The following MGAT4C variants were observed in gnomAD, a reference collection of about 807,000 sequenced individuals.
The protein encoded by MGAT4C is MGAT4 family member C.
A neutral mutation model predicts 40.1 loss-of-function variants in MGAT4C; 19 were observed. The observed-to-expected ratio is 0.47, with a 90% CI of 0.33 to 0.70. The LOEUF (loss-of-function observed/expected upper bound fraction) is 0.70, where lower values mean the gene tolerates loss of function less well. Among genes scored for constraint, MGAT4C ranks in the 30% least tolerant of loss-of-function variants. The pLI, the probability that MGAT4C is intolerant of heterozygous loss-of-function variation, is 0.02. For missense variants in MGAT4C, 491 were observed against 563.2 expected, an observed-to-expected ratio of 0.87 and a Z score of 1.30; for synonymous variants, 181 against 187.1, an observed-to-expected ratio of 0.97 and a Z score of 0.27.
intron 2 of MGAT4C, among the ~76,000 whole-genome samples, chr12:86,627,817 A>C (rs1962871734): frequency 6.6e-6 from 1 of 152,320 alleles, no homozygotes; most frequent in African/African-American, 2.4e-5. Context: ...GAAAATTCTA[A>C]AAACCAGAGT....
intron 1 of MGAT4C, among the ~76,000 whole-genome samples, chr12:86,093,150 T>C: frequency 6.6e-6 from 1 of 152,086 alleles, no homozygotes; most frequent in East Asian, 1.9e-4. Context: ...AATGAATATG[T>C]CCTTCTTTCA....
intron 2 of MGAT4C, among the ~76,000 whole-genome samples, chr12:86,487,794 G>A (rs1958048653): frequency 6.6e-6 from 1 of 152,092 alleles, no homozygotes; most frequent in Non-Finnish European, 1.5e-5. Context: ...TACTTTAGTT[G>A]TTAAATTTCT....
intron 2 of MGAT4C, among the ~76,000 whole-genome samples, chr12:86,593,242 T>C (rs1961403476): frequency 7.2e-6 from 1 of 139,604 alleles, no homozygotes; most frequent in Non-Finnish European, 1.6e-5. Flanking sequence ...CCTTCTTTTA[T>C]TTATGATTCT....
intron 2 of MGAT4C, among the ~76,000 whole-genome samples, chr12:86,448,214 CAGCT>C: frequency 6.6e-6 from 1 of 152,286 alleles, no homozygotes; most frequent in East Asian, 1.9e-4. Flanking sequence ...TTGCCTGTGG[CAGCT>C]TCCTGATCAT....
In MGAT4C at chr12:86,549,578, A is replaced by T. The variant is rs141811815; in HGVS notation, c.-228-114313T>A. Among the ~76,000 whole-genome samples the T allele has an allele frequency of 2.7e-4, 41 of 152,308 alleles. No individual in the cohort carries two copies. In the East Asian group the frequency reaches 7.1e-3, roughly 27 times the overall value. ...AGACTGTTTTGTTTCTCATCCCCAA[A>T]CATTTTAATAATGCTTCTACTTAGA... On this transcript the variant is annotated intron_variant, in intron 2 of 7. Transcript: ENST00000548651.
At chr12:86,218,945 C>T (rs992507635) in intron 1 of MGAT4C, among the ~76,000 whole-genome samples, 1 of 152,016 alleles carries the variant, frequency 6.6e-6, no homozygotes, top group African/African-American at 2.4e-5. Flanking sequence ...TTTTGGGAGG[C>T]CAAGACAAAT....
At chr12:86,659,997 G>A (rs1000108552) in intron 2 of MGAT4C, among the ~76,000 whole-genome samples, 2 of 150,892 alleles carry the variant, frequency 1.3e-5, no homozygotes, top group African/African-American at 4.9e-5. Context: ...TCCTCTTCCA[G>A]TGTCTGTCCA....
chr12:86,111,683 A>G (rs1342623492), intron 1 of MGAT4C, among the ~76,000 whole-genome samples: 2 of 151,778 alleles, frequency 1.3e-5, no homozygotes, highest in Non-Finnish European at 3.0e-5. Context: ...AACCTTTCCT[A>G]AAAACACTTT....
At chr12:86,275,290 G>A (rs554525488) in intron 4 of MGAT4C, among the ~76,000 whole-genome samples, 2 of 152,208 alleles carry the variant, frequency 1.3e-5, no homozygotes, top group South Asian at 4.1e-4. Flanking sequence ...TTCAGATAAA[G>A]GTTCCATTTC....
intron 1 of MGAT4C, among the ~76,000 whole-genome samples, chr12:86,835,477 A>G (rs1953018995): frequency 6.6e-6 from 1 of 152,102 alleles, no homozygotes; most frequent in South Asian, 2.1e-4. Flanking sequence ...GTTAGAATTT[A>G]AGGCCATATC....
chr12:86,033,070 G>C (rs1890904735), intron 2 of MGAT4C, among the ~76,000 whole-genome samples: 1 of 149,364 alleles, frequency 6.7e-6, no homozygotes, highest in Admixed American at 6.7e-5. Flanking sequence ...AGGTCAGATG[G>C]TTTTAGCTGT....
At chr12:86,665,645 A>G (rs189586792) in intron 2 of MGAT4C, among the ~76,000 whole-genome samples, 1,525 of 152,316 alleles carry the variant, frequency 0.01, 26 homozygotes, top group African/African-American at 0.035. Context: ...TACGGGGATT[A>G]CAGGCGTGAG....
chr12:85,986,986 C>T (rs994190731), intron 3 of MGAT4C, among the ~76,000 whole-genome samples: 4 of 151,702 alleles, frequency 2.6e-5, no homozygotes, highest in Non-Finnish European at 4.4e-5. Context: ...AAAAAACATC[C>T]GTCAGTAAAT....
At chr12:86,003,064 G>C (rs907764932) in intron 2 of MGAT4C, among the ~76,000 whole-genome samples, 1 of 152,104 alleles carries the variant, frequency 6.6e-6, no homozygotes, top group Non-Finnish European at 1.5e-5. Context: ...GTCTCCCAAA[G>C]TGTCAGGATT....
Position 85,963,742 on chromosome 12 carries a change from G to C in MGAT4C, c.*15547C>G, listed in dbSNP as rs1247051672. 6.7e-6 allele frequency: 1 copy of C among 149,438 alleles called. No individual in the cohort carries two copies. The highest frequency in any genetic ancestry group is 1.5e-5 in the Non-Finnish European group (1 of 67,898). The allele number at this position is 149,438 out of a possible 1,614,324, so 9.3% of individuals were successfully genotyped here. A position where few individuals can be genotyped will look rare whatever the true frequency, so the allele number is the denominator to read the frequency against. On this transcript the variant is annotated 3_prime_UTR_variant, in exon 5 of 5. Transcript: ENST00000611864. The stretch of plus-strand genomic sequence containing the variant: ...ATGACCCCAGGGCTGATGAAGTCTT[G>C]TTGTAACGTGTAAATGGGGTGGGTG...
intron 2 of MGAT4C, among the ~76,000 whole-genome samples, chr12:86,488,981 G>T (rs1958077535): frequency 6.6e-6 from 1 of 152,238 alleles, no homozygotes; most frequent in Non-Finnish European, 1.5e-5. Context: ...GTGGCCCAAA[G>T]TGGGAGCTTC....
intron 1 of MGAT4C, among the ~76,000 whole-genome samples, chr12:86,124,010 T>C (rs550822063): frequency 1.3e-5 from 2 of 152,176 alleles, no homozygotes; most frequent in African/African-American, 2.4e-5. Flanking sequence ...ACTCCACCGA[T>C]AGGACAAAAC....
At chr12:86,788,816 C>G (rs1212665281) in intron 1 of MGAT4C, among the ~76,000 whole-genome samples, 2 of 152,066 alleles carry the variant, frequency 1.3e-5, no homozygotes, top group Non-Finnish European at 2.9e-5. Context: ...GCTGTGCTAT[C>G]TTTTGAAGGA....
intron 2 of MGAT4C, among the ~76,000 whole-genome samples, chr12:86,614,553 G>A (rs1431275797): frequency 6.6e-6 from 1 of 151,818 alleles, no homozygotes; most frequent in East Asian, 1.9e-4. Flanking sequence ...TATTAGGTGG[G>A]GGGAAGCAAA....
Sources: gnomAD v4.1 joint callset for allele counts (sites outside exome capture counted in the v4.1 genomes callset) on GRCh38, gnomAD v4.1.1 for gene constraint, MANE v1.5 for transcripts, NCBI Gene and HGNC (gene_info 2026-07-23, HGNC 2026-07-21) for gene names.